ASAH2: variants seen among roughly 807,000 people sequenced by gnomAD.
ASAH2 encodes the protein neutral ceramidase.
In ASAH2, 58 loss-of-function variants were observed where a neutral mutation model predicts 82.9. That is an observed-to-expected ratio of 0.70 (90% CI 0.57 to 0.87). ASAH2 has a LOEUF of 0.87. Ranked by LOEUF, ASAH2 falls within the 40% of genes least tolerant of loss-of-function variation. The pLI, the probability that ASAH2 is intolerant of heterozygous loss-of-function variation, is 0.00. For missense variants in ASAH2, 779 were observed against 834.0 expected, an observed-to-expected ratio of 0.93 and a Z score of 0.81; for synonymous variants, 276 against 289.7, an observed-to-expected ratio of 0.95 and a Z score of 0.48.
chr10:50,236,005 C>G lies in ASAH2; in HGVS notation c.570G>C (p.Leu190=), dbSNP rs1019597878. 7 of 1,613,294 alleles carry G rather than the reference C, an allele frequency of 4.3e-6. No individual in the cohort carries two copies. In the African/African-American group the frequency reaches 9.3e-5, roughly 22 times the overall value. ...GSLYRRDNVI[L]SGTHTHSGPA... ...GACCTGAATGAGTGTGAGTGCCACT[C>G]AGGATGACATTATCTCTTCTGTACA... is the stretch of plus-strand genomic sequence containing the variant. Residue 190 remains leucine (L), a synonymous_variant, in exon 5 of 21, where the codon CTG becomes CTC. Transcript: ENST00000682911.
intron 12 of ASAH2, among the ~76,000 whole-genome samples, chr10:50,208,870 G>A (rs1044780525): frequency 1.3e-5 from 2 of 152,024 alleles, no homozygotes; most frequent in African/African-American, 4.8e-5. Context: ...TGGAAGAGGA[G>A]GACAAGGTAG....
chr10:50,203,577 AGG>A (rs1488626150), intron 15 of ASAH2, 61 bp downstream of exon 15: 524,590 of 1,312,970 alleles, frequency 0.4, 109,223 homozygotes, highest in Non-Finnish European at 0.43. Context: ...TCATAGGGAT[AGG>A]ATATACTTTC....
At chr10:50,233,521 T>C (rs1224656307) in intron 6 of ASAH2, among the ~76,000 whole-genome samples, 2 of 152,144 alleles carry the variant, frequency 1.3e-5, no homozygotes, top group African/African-American at 2.4e-5. Context: ...TACAATATTA[T>C]ATAACATATA....
chr10:50,238,140 A>G (rs1006144038), intron 4 of ASAH2, among the ~76,000 whole-genome samples: 33 of 152,310 alleles, frequency 2.2e-4, no homozygotes, highest in African/African-American at 7.5e-4. Flanking sequence ...TCAAGCTACC[A>G]AAAGCTTAAC....
At chr10:50,243,596 A>G (rs924964999) in intron 3 of ASAH2, among the ~76,000 whole-genome samples, 2 of 152,234 alleles carry the variant, frequency 1.3e-5, no homozygotes, top group African/African-American at 2.4e-5. Flanking sequence ...AGAATCGATC[A>G]GGTTGGCAGA....
rs767544067 is a variant in ASAH2, at chr10:50,211,047, G to T, written c.1315C>A (p.Leu439Ile). The part of the protein sequence containing the change: ...WVDMTDVTVW[L>I]NSTHASKTCK... ...GCACTTACTGCATGTGTGGAATTGA[G>T]CCAGACAGTCACATCTGTCATATCC... Residue 439 changes from leucine (L) to isoleucine (I), a missense_variant, in exon 11 of 21, where the codon CTC (leucine) becomes ATC (isoleucine). By Grantham distance (5) the Leu-to-Ile change is conservative. Transcript: ENST00000682911. 2 of 1,613,496 alleles carry T rather than the reference G, an allele frequency of 1.2e-6. No individual in the cohort carries two copies. The highest frequency in any genetic ancestry group is 4.5e-5 in the East Asian group (2 of 44,872).
chr10:50,233,304 G>A (rs1846062982), intron 6 of ASAH2, 43 bp from the exon 7 acceptor site: 3 of 1,398,056 alleles, frequency 2.1e-6, no homozygotes, highest in African/African-American at 1.4e-5. Context: ...CTGTGTTAGA[G>A]CCTAACCCTC....
At chr10:50,195,565 A>G (rs1255119354) in intron 18 of ASAH2, among the ~76,000 whole-genome samples, 2 of 151,574 alleles carry the variant, frequency 1.3e-5, no homozygotes, top group Non-Finnish European at 3.0e-5. Context: ...AGGAAATGAA[A>G]TCAGTTTGTT....
rs2133197874 is a variant in ASAH2, at chr10:50,199,159, C to T, written c.1762-13G>A. 80 of 1,612,918 alleles carry T rather than the reference C, an allele frequency of 5.0e-5. 1 individual carries two copies. The South Asian group carries it at 8.2e-4, about 17-fold the overall frequency. On this transcript the variant is annotated splice_polypyrimidine_tract_variant and intron_variant, in intron 16 of 20. Coordinates refer to ENST00000682911, the MANE Select transcript of ASAH2 (RefSeq NM_019893.4). ...CATATCGCTGAGCCTGCAGGAAAGG[C>T]AGGGAGAGTTGTATATGGTTCTGCT...
intron 17 of ASAH2, among the ~76,000 whole-genome samples, chr10:50,197,994 A>C (rs2669789): frequency 8.5e-6 from 1 of 117,850 alleles, no homozygotes; most frequent in African/African-American, 2.7e-5. Flanking sequence ...CCAAAATTAT[A>C]ATAAAATGAA....
intron 5 of ASAH2, 49 bp from the exon 6 acceptor site, chr10:50,234,601 G>A: frequency 6.2e-7 from 1 of 1,611,600 alleles, no homozygotes; most frequent in Non-Finnish European, 8.5e-7. Flanking sequence ...AATCCTGGTG[G>A]GGACAATAAC....
intron 17 of ASAH2, among the ~76,000 whole-genome samples, chr10:50,197,411 A>G (rs1223457042): frequency 1.6e-3 from 242 of 151,584 alleles, no homozygotes; most frequent in Non-Finnish European, 2.7e-3. Context: ...ATCATCCCAC[A>G]TCCTGACTGG....
intron 9 of ASAH2, 148 bp downstream of exon 9, chr10:50,214,595 A>G: frequency 7.4e-6 from 7 of 951,026 alleles, no homozygotes; most frequent in Non-Finnish European, 1.1e-5. Flanking sequence ...CTGGGTTTGG[A>G]CAGGTGCTTT....
chr10:50,206,511 A>C (rs2133203367), intron 12 of ASAH2, among the ~76,000 whole-genome samples: 1 of 145,014 alleles, frequency 6.9e-6, no homozygotes, highest in African/African-American at 2.5e-5. Flanking sequence ...TGGTCCCTGA[A>C]ATAATTTCTC....
chr10:50,210,508 T>A (rs796819843), intron 12 of ASAH2, among the ~76,000 whole-genome samples: 115,187 of 151,070 alleles, frequency 0.76, 45,751 homozygotes, highest in Non-Finnish European at 0.88. Context: ...CTCAAAAAAA[T>A]AAATGCATGC....
chr10:50,231,149 T>C (rs1846012528), intron 7 of ASAH2, among the ~76,000 whole-genome samples: 1 of 152,116 alleles, frequency 6.6e-6, no homozygotes, highest in Non-Finnish European at 1.5e-5. Context: ...CTCTATCTCC[T>C]TGTCCCAACA....
At chr10:50,219,021 C>T (rs1218317524) in intron 7 of ASAH2, among the ~76,000 whole-genome samples, 1 of 152,154 alleles carries the variant, frequency 6.6e-6, no homozygotes, top group Non-Finnish European at 1.5e-5. Context: ...GTATGCTAAG[C>T]ACTGAATAAA....
Position 50,246,535 on chromosome 10 carries a change from T to G in ASAH2, c.128-1081A>C, listed in dbSNP as rs538668046. ...ACTTAGGCAAGAGATTTATAGCTGA[T>G]TCTTTCTGAAATCCTGGAAATTCAG... On this transcript the variant is annotated intron_variant, in intron 2 of 20. Coordinates refer to ENST00000682911, the MANE Select transcript of ASAH2 (RefSeq NM_019893.4). Among the ~76,000 whole-genome samples, 8 of 152,334 alleles carry G rather than the reference T, an allele frequency of 5.3e-5. No individual in the cohort carries two copies. In the South Asian group the frequency reaches 1.7e-3, roughly 32 times the overall value.
intron 7 of ASAH2, among the ~76,000 whole-genome samples, chr10:50,232,656 C>T (rs1200779707): frequency 1.3e-5 from 2 of 152,108 alleles, no homozygotes; most frequent in Non-Finnish European, 2.9e-5. Flanking sequence ...AAGCTGGCCC[C>T]ACCTGTAATT....
Sources: allele counts gnomAD v4.1 joint callset (sites outside exome capture counted in the v4.1 genomes callset), GRCh38; gene constraint gnomAD v4.1.1; transcripts MANE v1.5; gene names NCBI Gene and HGNC (gene_info 2026-07-23, HGNC 2026-07-21).